SASH1: variants seen among roughly 807,000 people sequenced by gnomAD.
The protein encoded by SASH1 is SAM and SH3 domain containing 1.
SASH1 carries 44 observed loss-of-function variants against 125.2 expected under a neutral mutation model. That is an observed-to-expected ratio of 0.35 (90% confidence interval 0.28 to 0.45). The LOEUF is 0.45. SASH1 is among the 20% of genes least tolerant of loss of function. The probability of loss-of-function intolerance (pLI) is 1.00; values close to 1 mark genes in which losing one functional copy is unlikely to be tolerated. For missense variants in SASH1, 1,426 were observed against 1,614.5 expected, an observed-to-expected ratio of 0.88 and a Z score of 2.00; for synonymous variants, 639 against 649.1, an observed-to-expected ratio of 0.98 and a Z score of 0.24.
At chr6:148,266,396 C>G in the SASH1 span, among the ~76,000 whole-genome samples, 1 of 152,138 alleles carries the variant, frequency 6.6e-6, no homozygotes, top group Non-Finnish European at 1.5e-5. Context: ...CCTTAGCAAG[C>G]CAGTTACTCT....
At chr6:148,466,460 C>A (rs12527475) in intron 4 of SASH1, among the ~76,000 whole-genome samples, 1 of 151,996 alleles carries the variant, frequency 6.6e-6, no homozygotes, top group South Asian at 2.1e-4. Context: ...GGCTGCTCTG[C>A]GTGAAAAAGC....
intron 1 of SASH1, among the ~76,000 whole-genome samples, chr6:148,387,668 CTTTCTTTCTTTCT>C (rs1562371685): frequency 1.4e-4 from 10 of 72,924 alleles, no homozygotes; most frequent in African/African-American, 5.2e-4. Flanking sequence ...TTCTTTCTTT[CTTTCTTTCTTTCT>C]TTCTTTCTTT....
chr6:148,415,225 A>G (rs1784777581), intron 2 of SASH1, among the ~76,000 whole-genome samples: 1 of 152,200 alleles, frequency 6.6e-6, no homozygotes, highest in Non-Finnish European at 1.5e-5. Flanking sequence ...CAATTTACAT[A>G]CTGACATTAG....
chr6:148,536,745 G>T (rs1781870384), intron 16 of SASH1, among the ~76,000 whole-genome samples: 1 of 152,218 alleles, frequency 6.6e-6, no homozygotes, highest in Admixed American at 6.5e-5. Flanking sequence ...TGCTTAGACT[G>T]CTCCATGCCA....
chr6:148,301,088 A>G (rs1311532624), intron 1 of SASH1, among the ~76,000 whole-genome samples: 1 of 151,798 alleles, frequency 6.6e-6, no homozygotes, highest in African/African-American at 2.4e-5. Context: ...AGCACTTGGG[A>G]GGCCAAGGCC....
In SASH1 at chr6:148,527,519, G is replaced by C. The variant is rs1406028666; in HGVS notation, c.1351G>C (p.Gly451Arg). ...KSPTASRISL[G>R]KKVKSVKETM... ...ACCTACTGCCTCTCGCATCTCTCTT[G>C]GGAAAAAGGTGAAATCAGTGAAAGA... Residue 451 changes from glycine to arginine, a missense_variant, in exon 12 of 20, where the codon GGG becomes CGG. Physicochemically the swap from Gly to Arg is moderately radical, Grantham distance 125. Coordinates refer to ENST00000367467, the MANE Select transcript of SASH1 (RefSeq NM_015278.5). 1 of 1,609,986 alleles carries C rather than the reference G, an allele frequency of 6.2e-7. No homozygotes were observed. The highest frequency in any genetic ancestry group is 1.7e-5 in the Admixed American group (1 of 59,060).
At chr6:148,379,955 C>T (rs1201107734) in intron 1 of SASH1, 1 of 456,454 alleles carries the variant, frequency 2.2e-6, no homozygotes, top group Non-Finnish European at 4.4e-6. Flanking sequence ...ATATCGTGTG[C>T]AGCCATTTGT....
intron 4 of SASH1, among the ~76,000 whole-genome samples, chr6:148,449,413 G>A (rs977483079): frequency 1.4e-5 from 2 of 145,878 alleles, no homozygotes; most frequent in Middle Eastern, 3.6e-3. Flanking sequence ...CTGAGACGTA[G>A]TTTCGCTCTT....
chr6:148,396,305 T>G (rs1288511416), intron 2 of SASH1, among the ~76,000 whole-genome samples: 1 of 151,334 alleles, frequency 6.6e-6, no homozygotes, highest in Non-Finnish European at 1.5e-5. Flanking sequence ...ATGGTGAAAC[T>G]CCATCTCTAC....
chr6:148,301,341 A>C (rs1441204877), intron 1 of SASH1, among the ~76,000 whole-genome samples: 2 of 151,656 alleles, frequency 1.3e-5, no homozygotes, highest in African/African-American at 4.8e-5. Flanking sequence ...AAAAAAAAAA[A>C]AAAAAACTCT....
chr6:148,440,096 C>A, intron 2 of SASH1, 88 bp from the exon 3 acceptor site: 2 of 1,249,730 alleles, frequency 1.6e-6, no homozygotes, highest in Non-Finnish European at 1.2e-6. Context: ...TTTCCCGAAT[C>A]CTCCCCTCTC....
chr6:148,387,676 CT>C (rs1216521634), intron 1 of SASH1, among the ~76,000 whole-genome samples: 2 of 91,978 alleles, frequency 2.2e-5, no homozygotes, highest in East Asian at 2.7e-4. Context: ...TTCTTTCTTT[CT>C]TTCTTTCTTT....
chr6:148,358,949 A>T (rs186306766), intron 1 of SASH1, among the ~76,000 whole-genome samples: 3 of 151,762 alleles, frequency 2.0e-5, no homozygotes, highest in African/African-American at 7.2e-5. Flanking sequence ...GTTAGCCAGG[A>T]TGGTCTTGAT....
chr6:148,353,248 A>G (rs1562344298), intron 1 of SASH1, among the ~76,000 whole-genome samples: 1 of 150,300 alleles, frequency 6.7e-6, no homozygotes, highest in African/African-American at 2.4e-5. Context: ...TATTTTTCTT[A>G]TTTTTTCTAG....
chr6:148,254,720 G>A, the SASH1 span, among the ~76,000 whole-genome samples: 807 of 152,264 alleles, frequency 5.3e-3, 7 homozygotes, highest in African/African-American at 0.018. Flanking sequence ...AGTGTTAGCA[G>A]GAGTGTGGAG....
chr6:148,525,213 CG>C, intron 10 of SASH1, 77 bp from the exon 11 acceptor site: 2 of 961,768 alleles, frequency 2.1e-6, no homozygotes, highest in Non-Finnish European at 1.7e-6. Flanking sequence ...GTCCTGCAAA[CG>C]GGGACTGCTG....
chr6:148,391,217 C>T (rs978199524), intron 2 of SASH1, among the ~76,000 whole-genome samples: 1 of 151,558 alleles, frequency 6.6e-6, no homozygotes, highest in Non-Finnish European at 1.5e-5. Flanking sequence ...TCAAGTGATT[C>T]TCCTGCCTCA....
chr6:148,530,377 C>T (rs891131738), intron 12 of SASH1, among the ~76,000 whole-genome samples: 8 of 151,738 alleles, frequency 5.3e-5, no homozygotes, highest in Non-Finnish European at 8.8e-5. Context: ...TATTTTATGA[C>T]GCAGAAAGGA....
chr6:148,296,819 G>A (rs1368506889), intron 1 of SASH1, among the ~76,000 whole-genome samples: 1 of 152,196 alleles, frequency 6.6e-6, no homozygotes, highest in African/African-American at 2.4e-5. Context: ...CTGGCATGGA[G>A]GATACCCAAG....
Sources: gnomAD v4.1 joint callset for allele counts (sites outside exome capture counted in the v4.1 genomes callset) on GRCh38, gnomAD v4.1.1 for gene constraint, MANE v1.5 for transcripts, NCBI Gene and HGNC (gene_info 2026-07-23, HGNC 2026-07-21) for gene names.